Variants in KCNIP4 observed in about 807,000 individuals in gnomAD.
KCNIP4 encodes the protein Kv channel-interacting protein 4.
In KCNIP4, 12 loss-of-function variants were observed where a neutral mutation model predicts 34.0. The observed-to-expected ratio is 0.35, with a 90% CI of 0.23 to 0.57. KCNIP4 has a LOEUF of 0.57. Among genes scored for constraint, KCNIP4 ranks in the 20% least tolerant of loss-of-function variants. KCNIP4 has a pLI of 0.83. For synonymous variants in KCNIP4, 124 were observed against 102.2 expected (o/e 1.21, Z -1.29); for missense variants, 238 against 311.7 (o/e 0.76, Z 1.78).
intron 1 of KCNIP4, among the ~76,000 whole-genome samples, chr4:21,079,614 T>C (rs1041970125): frequency 6.6e-6 from 1 of 151,820 alleles, no homozygotes; most frequent in African/African-American, 2.4e-5. Context: ...AAAGATGTTC[T>C]TAAGTCCCAG....
intron 1 of KCNIP4, among the ~76,000 whole-genome samples, chr4:21,651,429 A>C (rs1747471218): frequency 6.6e-6 from 1 of 152,238 alleles, no homozygotes; most frequent in African/African-American, 2.4e-5. Context: ...TTTGTCCAAG[A>C]AATGGCATTG....
At chr4:21,639,074 A>G (rs6448066) in intron 1 of KCNIP4, among the ~76,000 whole-genome samples, 116,377 of 152,092 alleles carry the variant, frequency 0.77, 45,024 homozygotes, top group East Asian at 0.99. Flanking sequence ...GAATAAATTT[A>G]GATGTGAATT....
intron 1 of KCNIP4, among the ~76,000 whole-genome samples, chr4:21,213,636 A>C (rs1252219373): frequency 3.3e-5 from 5 of 151,976 alleles, no homozygotes; most frequent in African/African-American, 9.6e-5. Flanking sequence ...AACTCCTAGA[A>C]TCAAGCAATC....
rs147498960 is a variant in KCNIP4 at position 21,195,066 on chromosome 4, T to C, written c.62-312357A>G. On this transcript the variant is annotated intron_variant, in intron 1 of 8. Transcript: ENST00000382152. ...TTCTCTTCCTCCTTAATGAAGTCAT[T>C]TCTCCTCTATATTCTCCTGGGAATC... Among the ~76,000 whole-genome samples, 33 of 152,288 alleles carry C rather than the reference T, an allele frequency of 2.2e-4. No individual in the cohort carries two copies. The East Asian group carries it at 2.5e-3, about 12-fold the overall frequency.
intron 1 of KCNIP4, among the ~76,000 whole-genome samples, chr4:21,926,572 C>A (rs1051381197): frequency 3.3e-5 from 5 of 152,104 alleles, no homozygotes. Flanking sequence ...AGTTGCCAGT[C>A]CTAAATTTCT....
At chr4:20,849,636 T>C (rs1301895724) in intron 3 of KCNIP4, among the ~76,000 whole-genome samples, 1 of 130,102 alleles carries the variant, frequency 7.7e-6, no homozygotes, top group Admixed American at 8.5e-5. Flanking sequence ...AGGGGCTGGG[T>C]TTCAAAAGGA....
At chr4:21,545,316 A>G (rs1738048958) in intron 1 of KCNIP4, among the ~76,000 whole-genome samples, 1 of 152,094 alleles carries the variant, frequency 6.6e-6, no homozygotes, top group Non-Finnish European at 1.5e-5. Flanking sequence ...AGAACCATAA[A>G]AAAGGGCAAT....
chr4:21,192,939 ACT>A lies in KCNIP4; in HGVS notation c.62-310232_62-310231del, dbSNP rs1755768337. 4.4e-4 allele frequency among the ~76,000 whole-genome samples: 64 copies of A among 145,036 alleles called. 1 individual carries two copies. The highest frequency in any genetic ancestry group is 4.3e-3 in the Admixed American group (61 of 14,306). ...CTCTACTACTACTACTACTACTACT[ACT>A]ACTACTACTACTAATAATAATAATA... On this transcript the variant is annotated intron_variant, in intron 1 of 8. Coordinates refer to ENST00000382152, the MANE Select transcript of KCNIP4 (RefSeq NM_025221.6).
At chr4:20,814,019 G>A (rs947414263) in intron 3 of KCNIP4, among the ~76,000 whole-genome samples, 1 of 152,226 alleles carries the variant, frequency 6.6e-6, no homozygotes, top group Admixed American at 6.5e-5. Flanking sequence ...CTGTGCAGCT[G>A]TGGGGAGGAA....
intron 1 of KCNIP4, among the ~76,000 whole-genome samples, chr4:21,349,235 C>T (rs769295107): frequency 2.0e-5 from 3 of 152,142 alleles, no homozygotes; most frequent in Non-Finnish European, 4.4e-5. Context: ...AGAGGAACAA[C>T]CTAACATATT....
At chr4:21,458,956 G>A (rs1271398577) in intron 1 of KCNIP4, among the ~76,000 whole-genome samples, 1 of 151,910 alleles carries the variant, frequency 6.6e-6, no homozygotes, top group East Asian at 1.9e-4. Flanking sequence ...CTGTGCACAA[G>A]ACTACATCCC....
intron 1 of KCNIP4, among the ~76,000 whole-genome samples, chr4:21,063,535 C>A (rs1577622454): frequency 6.6e-6 from 1 of 152,046 alleles, no homozygotes; most frequent in African/African-American, 2.4e-5. Flanking sequence ...TGATAAATAC[C>A]ACTGAGCAGA....
intron 1 of KCNIP4, among the ~76,000 whole-genome samples, chr4:21,314,209 A>G (rs1488350962): frequency 1.3e-5 from 2 of 152,178 alleles, no homozygotes; most frequent in African/African-American, 4.8e-5. Context: ...AATGTCTTCC[A>G]TGCTTCAAAT....
intron 1 of KCNIP4, among the ~76,000 whole-genome samples, chr4:21,149,319 C>T (rs918737008): frequency 1.3e-5 from 2 of 152,160 alleles, no homozygotes; most frequent in Non-Finnish European, 2.9e-5. Flanking sequence ...ATATTGAAAA[C>T]TCTCTGTTTT....
intron 1 of KCNIP4, among the ~76,000 whole-genome samples, chr4:21,519,155 G>A (rs142064515): frequency 6.6e-6 from 1 of 152,076 alleles, no homozygotes; most frequent in African/African-American, 2.4e-5. Flanking sequence ...GCCTTTGGGA[G>A]GTGATTGAGA....
intron 1 of KCNIP4, among the ~76,000 whole-genome samples, chr4:21,097,564 A>G (rs998442584): frequency 3.3e-5 from 5 of 151,946 alleles, no homozygotes; most frequent in Admixed American, 3.3e-4. Context: ...CTATTATTAC[A>G]TCTGTCTTGG....
Position 21,021,724 on chromosome 4 carries a change from C to T in KCNIP4, c.62-139015G>A, listed in dbSNP as rs184213262. On this transcript the variant is annotated intron_variant, in intron 1 of 8. Transcript: ENST00000382152. ...GGGGCAATAACACCTGTGGAGCTGTCGTATTCTATGATGACAATGCCTTCT... is the reference window on the plus strand; with the variant it reads ...GGGGCAATAACACCTGTGGAGCTGTTGTATTCTATGATGACAATGCCTTCT... Among the ~76,000 whole-genome samples the T allele has an allele frequency of 5.5e-4, 83 of 152,188 alleles. 1 individual carries two copies. In the Middle Eastern group the frequency reaches 0.017, roughly 31 times the overall value.
intron 1 of KCNIP4, among the ~76,000 whole-genome samples, chr4:21,924,246 T>G (rs1000932317): frequency 7.0e-6 from 1 of 143,598 alleles, no homozygotes; most frequent in Non-Finnish European, 1.5e-5. Context: ...TATATTTCTT[T>G]TTTTTTTTTT....
intron 1 of KCNIP4, among the ~76,000 whole-genome samples, chr4:21,049,436 C>T (rs1354655851): frequency 6.6e-6 from 1 of 152,170 alleles, no homozygotes; most frequent in Admixed American, 6.5e-5. Context: ...TTCATGATGA[C>T]TGACCCTTGC....
Sources: allele counts gnomAD v4.1 joint callset (sites outside exome capture counted in the v4.1 genomes callset), GRCh38; gene constraint gnomAD v4.1.1; transcripts MANE v1.5; gene names NCBI Gene and HGNC (gene_info 2026-07-23, HGNC 2026-07-21).